The following MKLN1 variants were observed in gnomAD, a reference collection of about 807,000 sequenced individuals.
MKLN1 encodes muskelin 1, also known as muskelin.
In MKLN1, 18 loss-of-function variants were observed where a neutral mutation model predicts 99.0. The ratio of observed to expected loss-of-function variants is 0.18; its 90% CI spans 0.13 to 0.27. The LOEUF (loss-of-function observed/expected upper bound fraction) is 0.27, where lower values mean the gene tolerates loss of function less well. Ranked by LOEUF, MKLN1 falls within the 10% of genes least tolerant of loss-of-function variation. The pLI is 1.00. For synonymous variants in MKLN1, 288 were observed against 293.2 expected, an observed-to-expected ratio of 0.98 and a Z score of 0.18; for missense variants, 621 against 875.9, an observed-to-expected ratio of 0.71 and a Z score of 3.67.
intron 2 of MKLN1, among the ~76,000 whole-genome samples, chr7:131,169,834 T>C (rs1366844644): frequency 6.6e-6 from 1 of 152,192 alleles, no homozygotes; most frequent in Admixed American, 6.6e-5. Context: ...GATGAAGGAA[T>C]TAAATAGAAT....
chr7:131,369,053 A>C (rs1800267311), intron 1 of MKLN1, among the ~76,000 whole-genome samples: 2 of 152,260 alleles, frequency 1.3e-5, no homozygotes, highest in South Asian at 4.1e-4. Context: ...TTTTAAAATA[A>C]GAATAGAATC....
At chr7:131,184,086 C>T (rs11765204) in intron 2 of MKLN1, among the ~76,000 whole-genome samples, 37,129 of 151,730 alleles carry the variant, frequency 0.24, 5,666 homozygotes, top group Non-Finnish European at 0.36. Context: ...CTCAGAGAGA[C>T]CATAGACTTC....
At chr7:131,289,642 C>T (rs1395312880) in intron 3 of MKLN1, among the ~76,000 whole-genome samples, 1 of 152,202 alleles carries the variant, frequency 6.6e-6, no homozygotes. Flanking sequence ...AGCTCTATCA[C>T]TTGATTGCTG....
intron 3 of MKLN1, among the ~76,000 whole-genome samples, chr7:131,280,718 G>A (rs1439290964): frequency 6.6e-6 from 1 of 150,772 alleles, no homozygotes; most frequent in Non-Finnish European, 1.5e-5. Context: ...GCACAATCTT[G>A]GCTCACAGCA....
intron 3 of MKLN1, among the ~76,000 whole-genome samples, chr7:131,233,817 A>G (rs2116479787): frequency 6.6e-6 from 1 of 152,270 alleles, no homozygotes. Flanking sequence ...AACTGAGAAG[A>G]AAAACAACAA....
At position 131,179,873 on chromosome 7, in the gene MKLN1, C is replaced by T. The variant is rs769559143; in HGVS notation, c.-296-22984C>T. Reference sequence around the variant, plus strand: ...ACAGGCATGAGCCACTGCACCTGGCCGATTCTGTTATTTCTAACATTTATT... The same window carrying T: ...ACAGGCATGAGCCACTGCACCTGGCTGATTCTGTTATTTCTAACATTTATT... On this transcript the variant is annotated intron_variant, in intron 2 of 7. Coordinates refer to the MKLN1 transcript ENST00000416992. Among the ~76,000 whole-genome samples, 14 of 151,366 alleles carry T rather than the reference C, an allele frequency of 9.2e-5. 1 individual carries two copies. Among genetic ancestry groups the T allele is most frequent in the Admixed American group, 9.2e-4 (14 of 15,178 alleles).
chr7:131,257,032 C>G (rs189332649), intron 3 of MKLN1, among the ~76,000 whole-genome samples: 2 of 152,078 alleles, frequency 1.3e-5, no homozygotes, highest in Non-Finnish European at 2.9e-5. Flanking sequence ...GCTTTATTTT[C>G]TCCTCATCTT....
chr7:131,289,696 C>A (rs1187113324), intron 3 of MKLN1, among the ~76,000 whole-genome samples: 1 of 152,180 alleles, frequency 6.6e-6, no homozygotes, highest in Non-Finnish European at 1.5e-5. Context: ...ACCTCAGTTT[C>A]CTCATCTGGA....
Position 131,495,057 on chromosome 7 carries a change from T to C in MKLN1, c.*7329T>C, listed in dbSNP as rs1797521532. 1 of 152,214 alleles carries C rather than the reference T, an allele frequency of 6.6e-6. No homozygotes were observed. The highest frequency in any genetic ancestry group is 1.5e-5 in the Non-Finnish European group (1 of 68,038). 9.4% of individuals were successfully genotyped at this position (152,214 alleles called of 1,614,324 possible). On this transcript the variant is annotated 3_prime_UTR_variant, in exon 18 of 18. Transcript: ENST00000352689. ...GGAAAGCGAAGATGAGGACCTCCTT[T>C]TCTTGTGTTGGTCTTGGGAACAAAC... is the stretch of plus-strand genomic sequence containing the variant.
chr7:131,183,075 G>A lies in MKLN1; in HGVS notation c.-296-19782G>A, dbSNP rs191435271. Among the ~76,000 whole-genome samples the A allele has an allele frequency of 3.7e-3, 557 of 152,318 alleles. 2 individuals are homozygous for A. The highest frequency in any genetic ancestry group is 6.1e-3 in the Non-Finnish European group (415 of 68,028). ...AGTGGTTTTGCTACTCATATAAAGT[G>A]AAATCCTGCAAAATAACACCCTCAA... is the stretch of plus-strand genomic sequence containing the variant. On this transcript the variant is annotated intron_variant, in intron 2 of 7. Transcript: ENST00000416992.
At chr7:131,260,296 C>G (rs1160900621) in intron 3 of MKLN1, among the ~76,000 whole-genome samples, 1 of 152,120 alleles carries the variant, frequency 6.6e-6, no homozygotes, top group Non-Finnish European at 1.5e-5. Flanking sequence ...CCATCCACCT[C>G]AGCCTCCCAA....
chr7:131,153,034 T>TATATATATATA (rs34593474), intron 2 of MKLN1, among the ~76,000 whole-genome samples: 11 of 139,332 alleles, frequency 7.9e-5, no homozygotes, highest in African/African-American at 3.0e-4. Flanking sequence ...TATATATATA[T>TATATATATATA]TTTTTTTTTT....
At chr7:131,160,492 A>AATT (rs60725549) in intron 2 of MKLN1, among the ~76,000 whole-genome samples, 28,463 of 138,692 alleles carry the variant, frequency 0.21, 2,930 homozygotes, top group South Asian at 0.24. Context: ...TATTATTATT[A>AATT]ATTATTATTA....
At chr7:131,293,503 T>A (rs922973894) in intron 3 of MKLN1, among the ~76,000 whole-genome samples, 16 of 152,208 alleles carry the variant, frequency 1.1e-4, no homozygotes, top group Non-Finnish European at 2.1e-4. Flanking sequence ...ACAACTGGAC[T>A]AGATGCTACA....
At chr7:131,219,162 C>T (rs1015314059) in intron 3 of MKLN1, among the ~76,000 whole-genome samples, 2 of 151,540 alleles carry the variant, frequency 1.3e-5, no homozygotes, top group African/African-American at 4.9e-5. Flanking sequence ...CACAAATGCA[C>T]AGTAGACTTA....
intron 3 of MKLN1, among the ~76,000 whole-genome samples, chr7:131,314,278 C>T (rs959412157): frequency 1.3e-5 from 2 of 152,186 alleles, no homozygotes; most frequent in Non-Finnish European, 2.9e-5. Flanking sequence ...CTTCACACTC[C>T]ACAGGAAGAC....
intron 1 of MKLN1, among the ~76,000 whole-genome samples, chr7:131,127,266 T>C (rs1050878055): frequency 1.3e-5 from 2 of 152,096 alleles, no homozygotes; most frequent in East Asian, 3.9e-4. Flanking sequence ...AAGGGTCTAC[T>C]TGGGATCTTG....
chr7:131,260,888 T>C (rs549665136), intron 3 of MKLN1, among the ~76,000 whole-genome samples: 1 of 132,172 alleles, frequency 7.6e-6, no homozygotes, highest in East Asian at 2.4e-4. Context: ...AAACATGCAA[T>C]GGGGAAAGGA....
At chr7:131,296,250 A>C (rs1176276398) in intron 3 of MKLN1, among the ~76,000 whole-genome samples, 1 of 152,242 alleles carries the variant, frequency 6.6e-6, no homozygotes, top group African/African-American at 2.4e-5. Flanking sequence ...GAAATGATTT[A>C]AAGTTCATCA....
Sources: gnomAD v4.1 joint callset for allele counts (sites outside exome capture counted in the v4.1 genomes callset) on GRCh38, gnomAD v4.1.1 for gene constraint, MANE v1.5 for transcripts, NCBI Gene and HGNC (gene_info 2026-07-23, HGNC 2026-07-21) for gene names.